DSCAM: variants seen among roughly 807,000 people sequenced by gnomAD.
DSCAM encodes the protein DS cell adhesion molecule, also known as cell adhesion molecule DSCAM.
Under a neutral mutation model 217.7 loss-of-function variants are expected in DSCAM, and 47 were observed. The observed-to-expected ratio is 0.22, with a 90% CI of 0.17 to 0.28. The LOEUF (loss-of-function observed/expected upper bound fraction) is 0.28, where lower values mean the gene tolerates loss of function less well. DSCAM is among the 10% of genes least tolerant of loss of function. The probability of loss-of-function intolerance (pLI) is 1.00; values close to 1 mark genes in which losing one functional copy is unlikely to be tolerated. For missense variants in DSCAM, 2,080 were observed against 2,618.3 expected (o/e 0.79, Z 4.49); for synonymous variants, 1,056 against 1,015.3 (o/e 1.04, Z -0.76).
At chr21:40,235,719 T>C (rs191282102) in intron 11 of DSCAM, among the ~76,000 whole-genome samples, 13 of 152,030 alleles carry the variant, frequency 8.6e-5, no homozygotes, top group African/African-American at 2.4e-4. Flanking sequence ...CCCAAGGACA[T>C]TGCAGCTAGG....
intron 10 of DSCAM, among the ~76,000 whole-genome samples, chr21:40,283,010 C>T (rs2073783327): frequency 2.6e-5 from 4 of 152,192 alleles, no homozygotes; most frequent in Non-Finnish European, 5.9e-5. Flanking sequence ...AGGGTTATTG[C>T]ATCTGAAGAT....
chr21:40,415,746 C>T (rs959296641), intron 3 of DSCAM, among the ~76,000 whole-genome samples: 3 of 152,076 alleles, frequency 2.0e-5, no homozygotes, highest in African/African-American at 7.2e-5. Context: ...CCCAGGGGGC[C>T]GGTGGGACCC....
intron 24 of DSCAM, among the ~76,000 whole-genome samples, chr21:40,081,134 C>T (rs1482336035): frequency 3.3e-5 from 5 of 152,162 alleles, no homozygotes; most frequent in Non-Finnish European, 5.9e-5. Context: ...CTGCAGTCAG[C>T]CTGAAGCCCA....
chr21:40,782,128 G>A (rs1234682075), intron 1 of DSCAM, among the ~76,000 whole-genome samples: 3 of 150,970 alleles, frequency 2.0e-5, no homozygotes, highest in Non-Finnish European at 2.9e-5. Context: ...CCGAGATCAC[G>A]CCACTGCACT....
At chr21:40,143,483 A>G (rs1349196944) in intron 17 of DSCAM, among the ~76,000 whole-genome samples, 1 of 152,246 alleles carries the variant, frequency 6.6e-6, no homozygotes, top group African/African-American at 2.4e-5. Context: ...TGCAAGTCCT[A>G]TCTGCCTCCG....
intron 1 of DSCAM, among the ~76,000 whole-genome samples, chr21:40,835,144 A>T (rs2092046505): frequency 6.6e-6 from 1 of 152,032 alleles, no homozygotes; most frequent in Non-Finnish European, 1.5e-5. Context: ...TCTCATTTTT[A>T]TTTTTTTTAT....
At chr21:40,250,450 C>A (rs2073287608) in intron 11 of DSCAM, among the ~76,000 whole-genome samples, 1 of 152,200 alleles carries the variant, frequency 6.6e-6, no homozygotes, top group Non-Finnish European at 1.5e-5. Context: ...TAGCTTGATG[C>A]ATCTTCTGTG....
chr21:40,673,037 A>G (rs1238672100), intron 3 of DSCAM, among the ~76,000 whole-genome samples: 1 of 152,100 alleles, frequency 6.6e-6, no homozygotes, highest in African/African-American at 2.4e-5. Flanking sequence ...ATCCAAAGCT[A>G]TTGCCTTAAC....
chr21:40,335,941 T>C (rs1015252349), intron 8 of DSCAM, among the ~76,000 whole-genome samples: 4 of 152,332 alleles, frequency 2.6e-5, no homozygotes, highest in East Asian at 1.9e-4. Flanking sequence ...AGGATGACTA[T>C]TCATTGTACT....
At chr21:40,246,971 A>C (rs1184347587) in intron 11 of DSCAM, among the ~76,000 whole-genome samples, 3 of 152,188 alleles carry the variant, frequency 2.0e-5, no homozygotes, top group Non-Finnish European at 1.5e-5. Context: ...AGGTCTCAGC[A>C]TCATGGGGCG....
At chr21:40,049,213 C>T (rs1164144594) in intron 30 of DSCAM, among the ~76,000 whole-genome samples, 1 of 152,162 alleles carries the variant, frequency 6.6e-6, no homozygotes, top group Non-Finnish European at 1.5e-5. Context: ...TCTCAGCACT[C>T]TCAGAATGAA....
intron 3 of DSCAM, among the ~76,000 whole-genome samples, chr21:40,574,803 G>A (rs926942271): frequency 8.6e-5 from 13 of 150,876 alleles, no homozygotes; most frequent in African/African-American, 3.2e-4. Context: ...CACTTCCTGG[G>A]TTCAAGGGAT....
intron 6 of DSCAM, among the ~76,000 whole-genome samples, chr21:40,339,620 A>G (rs932130038): frequency 2.0e-5 from 3 of 152,330 alleles, no homozygotes; most frequent in Non-Finnish European, 1.5e-5. Context: ...GCAAGCTTTC[A>G]TCAACTGTTT....
At chr21:40,340,668 T>A (rs2074481665) in intron 6 of DSCAM, among the ~76,000 whole-genome samples, 1 of 152,238 alleles carries the variant, frequency 6.6e-6, no homozygotes, top group Non-Finnish European at 1.5e-5. Flanking sequence ...GGTTGTCCCA[T>A]AATGAAAGAT....
intron 20 of DSCAM, among the ~76,000 whole-genome samples, chr21:40,118,962 G>A (rs914592708): frequency 6.6e-6 from 1 of 152,180 alleles, no homozygotes; most frequent in African/African-American, 2.4e-5. Flanking sequence ...ATTCTGGCTC[G>A]TGATTTGTGC....
intron 30 of DSCAM, among the ~76,000 whole-genome samples, chr21:40,050,352 G>A (rs1478570013): frequency 6.6e-6 from 1 of 152,144 alleles, no homozygotes; most frequent in African/African-American, 2.4e-5. Context: ...TTCAATATCT[G>A]TAACTTTTTC....
chr21:40,325,091 G>A (rs149618604), intron 8 of DSCAM, among the ~76,000 whole-genome samples: 94 of 152,218 alleles, frequency 6.2e-4, no homozygotes, highest in African/African-American at 1.6e-3. Flanking sequence ...TCATGACGTT[G>A]GCTTAGAAAA....
chr21:40,284,863 C>T, intron 10 of DSCAM, among the ~76,000 whole-genome samples: 1 of 152,196 alleles, frequency 6.6e-6, no homozygotes, highest in Non-Finnish European at 1.5e-5. Context: ...ATTGTGTCCA[C>T]TGTGCAATCC....
At position 40,407,440 on chromosome 21, in the gene DSCAM, T is replaced by C. The variant is rs575004510; in HGVS notation, c.509-38195A>G. Among the ~76,000 whole-genome samples the C allele has an allele frequency of 2.6e-5, 4 of 152,348 alleles. No individual in the cohort carries two copies. In the South Asian group the frequency reaches 6.2e-4, roughly 24 times the overall value. ...GCCCCTTAAATCTGGGATGGCTTTG[T>C]GACTTGCTTTGACCAATAGAAAGCA... On this transcript the variant is annotated intron_variant, in intron 3 of 32. Transcript: ENST00000400454.
Sources: gnomAD v4.1 joint callset for allele counts (sites outside exome capture counted in the v4.1 genomes callset) on GRCh38, gnomAD v4.1.1 for gene constraint, MANE v1.5 for transcripts, NCBI Gene and HGNC (gene_info 2026-07-23, HGNC 2026-07-21) for gene names.